Variants in RSPH9 observed in about 807,000 individuals in gnomAD.
RSPH9 encodes radial spoke head protein 9 homolog.
In RSPH9, 27 loss-of-function variants were observed where a neutral mutation model predicts 27.0. The ratio of observed to expected loss-of-function variants is 1.00; its 90% CI spans 0.74 to 1.38. The LOEUF is 1.38. Among genes scored for constraint, RSPH9 ranks in the 40% most tolerant of loss-of-function variants. The pLI is 0.00. For missense variants in RSPH9, 347 were observed against 357.4 expected, an observed-to-expected ratio of 0.97 and a Z score of 0.24; for synonymous variants, 145 against 147.7, an observed-to-expected ratio of 0.98 and a Z score of 0.13.
At position 43,671,125 on chromosome 6, in the gene RSPH9, TG is replaced by T; in HGVS notation, c.*178del. On this transcript the variant is annotated 3_prime_UTR_variant, in exon 5 of 5. Transcript: ENST00000372163. Reference sequence around the variant, plus strand: ...TTTCTAAACCAAGTGGCAGAGGGGTTGGAATGTGCTAATGAAAGAGATTCTA... The same window carrying T: ...TTTCTAAACCAAGTGGCAGAGGGGTTGAATGTGCTAATGAAAGAGATTCTA... 2.8e-6 allele frequency: 2 copies of T among 719,150 alleles called. No individual in the cohort carries two copies. The highest frequency in any genetic ancestry group is 4.7e-6 in the Non-Finnish European group (2 of 427,340). 44.5% of individuals were successfully genotyped at this position (719,150 alleles called of 1,614,324 possible).
Position 43,666,905 on chromosome 6 carries a change from G to A in RSPH9, c.671-3884G>A, listed in dbSNP as rs375784179. 5.9e-5 allele frequency among the ~76,000 whole-genome samples: 9 copies of A among 152,250 alleles called. No homozygotes were observed. In the East Asian group the frequency reaches 9.7e-4, roughly 16 times the overall value. ...TGGGATTACAGGCGCATGTCACCAC[G>A]CCTAATTTTTGTATTTTTAGCAGAG... is the stretch of plus-strand genomic sequence containing the variant. On this transcript the variant is annotated intron_variant, in intron 4 of 4. Transcript: ENST00000372163.
intron 1 of RSPH9, among the ~76,000 whole-genome samples, chr6:43,649,540 G>T (rs1771230797): frequency 6.6e-6 from 1 of 152,070 alleles, no homozygotes; most frequent in South Asian, 2.1e-4. Flanking sequence ...GATAAGCAGA[G>T]ACCAGGCTGG....
intron 4 of RSPH9, among the ~76,000 whole-genome samples, chr6:43,660,705 T>C (rs1363886954): frequency 7.9e-5 from 12 of 152,208 alleles, no homozygotes; most frequent in Admixed American, 7.9e-4. Context: ...CCTAGTGATC[T>C]GCCAGTCTCG....
chr6:43,671,238 G>C lies in RSPH9; in HGVS notation c.*289G>C. On this transcript the variant is annotated 3_prime_UTR_variant, in exon 5 of 5. Coordinates refer to ENST00000372163, the MANE Select transcript of RSPH9 (RefSeq NM_152732.5). ...CAGTTTCTTGGATTCACACGAGAGC[G>C]GCAAGTGTGTCAGGCAGCCCACCTT... The C allele has an allele frequency of 1.9e-6, 1 of 540,106 alleles. No individual in the cohort carries two copies. Among genetic ancestry groups the C allele is most frequent in the Middle Eastern group, 5.0e-4 (1 of 2,010 alleles). 33.5% of individuals were successfully genotyped at this position (540,106 alleles called of 1,614,324 possible).
At position 43,672,257 on chromosome 6, in the gene RSPH9, C is replaced by T. The variant is rs1369848641; in HGVS notation, c.*1308C>T. The stretch of plus-strand genomic sequence containing the variant: ...TTCCTCTCTGGCCTCAGCCATGGGG[C>T]GAGAAGAGCTGATGTAAGGCTCTGG... On this transcript the variant is annotated 3_prime_UTR_variant, in exon 5 of 5. Transcript: ENST00000372163. 2.1e-5 allele frequency: 9 copies of T among 433,248 alleles called. No individual in the cohort carries two copies. Among genetic ancestry groups the T allele is most frequent in the Middle Eastern group, 6.9e-4 (2 of 2,878 alleles). 26.8% of individuals were successfully genotyped at this position (433,248 alleles called of 1,614,324 possible).
Position 43,671,921 on chromosome 6 carries a change from C to A in RSPH9, c.*972C>A. 2 of 1,583,694 alleles carry A rather than the reference C, an allele frequency of 1.3e-6. No individual in the cohort carries two copies. Among genetic ancestry groups the A allele is most frequent in the Non-Finnish European group, 8.6e-7 (1 of 1,163,874 alleles). ...GCGTCAGGTACCTGTGGAGGGAGAA[C>A]AAAGAGGTGCCTGTGAGGGCTGGGG... On this transcript the variant is annotated 3_prime_UTR_variant, in exon 5 of 5. Coordinates refer to ENST00000372163, the MANE Select transcript of RSPH9 (RefSeq NM_152732.5).
At chr6:43,654,156 C>T (rs531401239) in intron 2 of RSPH9, among the ~76,000 whole-genome samples, 1 of 152,228 alleles carries the variant, frequency 6.6e-6, no homozygotes, top group South Asian at 2.1e-4. Flanking sequence ...GGTAGGCTGC[C>T]CATGGCAAAT....
intron 1 of RSPH9, among the ~76,000 whole-genome samples, chr6:43,648,871 C>T (rs1771151110): frequency 6.6e-6 from 1 of 152,114 alleles, no homozygotes. Flanking sequence ...CCTGGAAATA[C>T]TTAAGGCCCT....
intron 4 of RSPH9, 64 bp downstream of exon 4, chr6:43,656,787 C>A (rs1033895234): frequency 6.4e-7 from 1 of 1,553,980 alleles, no homozygotes; most frequent in Non-Finnish European, 8.9e-7. Flanking sequence ...GGCCATGCCA[C>A]CTGCCATTTT....
At chr6:43,646,425 A>ATTAT (rs945493597) in intron 1 of RSPH9, among the ~76,000 whole-genome samples, 8 of 151,080 alleles carry the variant, frequency 5.3e-5, no homozygotes, top group African/African-American at 1.5e-4. Flanking sequence ...GCGCTTGGCA[A>ATTAT]TTATTTATTT....
At chr6:43,654,150 G>A (rs1342029722) in intron 2 of RSPH9, among the ~76,000 whole-genome samples, 5 of 152,182 alleles carry the variant, frequency 3.3e-5, no homozygotes, top group African/African-American at 1.2e-4. Context: ...CATTCAGGTA[G>A]GCTGCCCATG....
intron 4 of RSPH9, among the ~76,000 whole-genome samples, chr6:43,662,963 C>G (rs569826338): frequency 1.2e-3 from 169 of 136,124 alleles, no homozygotes; most frequent in Non-Finnish European, 2.1e-3. Context: ...TGCACCATAC[C>G]TGGCATTTTT....
At position 43,671,528 on chromosome 6, in the gene RSPH9, C is replaced by T. The variant is rs1449587560; in HGVS notation, c.*579C>T. The T allele has an allele frequency of 5.2e-6, 3 of 578,726 alleles. No homozygotes were observed. The allele number at this position is 578,726 out of a possible 1,614,324, so 35.8% of individuals were successfully genotyped here. A position where few individuals can be genotyped will look rare whatever the true frequency, so the allele number is the denominator to read the frequency against. ...CCCAGCACTGAGCATGGCCTAAGCC[C>T]CATAGCAGCTGGCAAGGGACCCAAC... is the stretch of plus-strand genomic sequence containing the variant. On this transcript the variant is annotated 3_prime_UTR_variant, in exon 5 of 5. Transcript: ENST00000372163.
chr6:43,645,881 G>A (rs1222011816), intron 1 of RSPH9, among the ~76,000 whole-genome samples: 1 of 152,160 alleles, frequency 6.6e-6, no homozygotes, highest in Non-Finnish European at 1.5e-5. Context: ...TGGAAATAGA[G>A]AACGAATGCG....
At chr6:43,661,962 A>C (rs114526181) in intron 4 of RSPH9, among the ~76,000 whole-genome samples, 1 of 152,236 alleles carries the variant, frequency 6.6e-6, no homozygotes, top group African/African-American at 2.4e-5. Flanking sequence ...ATCATGCTTC[A>C]CTGTAGCCTC....
intron 4 of RSPH9, among the ~76,000 whole-genome samples, chr6:43,668,548 C>T (rs929271978): frequency 9.2e-5 from 14 of 152,256 alleles, no homozygotes; most frequent in African/African-American, 3.4e-4. Flanking sequence ...TAGGCCACTT[C>T]GTCCAAGAAC....
chr6:43,654,404 A>G (rs1771798719), intron 2 of RSPH9, among the ~76,000 whole-genome samples: 2 of 152,212 alleles, frequency 1.3e-5, no homozygotes, highest in African/African-American at 4.8e-5. Context: ...ATATATGCAT[A>G]GAGGGCTGGG....
rs570174587 is a variant in RSPH9, at chr6:43,660,167, C to T, written c.670+3444C>T. Among the ~76,000 whole-genome samples, 4 of 151,688 alleles carry T rather than the reference C, an allele frequency of 2.6e-5. No homozygotes were observed. The South Asian group carries it at 8.3e-4, about 32-fold the overall frequency. ...CAAGTGATTTTCCTGCCTCAGCCTC[C>T]TAAGTAGCTGGATTACAGGCATGCG... On this transcript the variant is annotated intron_variant, in intron 4 of 4. Transcript: ENST00000372163.
chr6:43,656,639 C>T lies in RSPH9; in HGVS notation c.586C>T (p.Leu196=). The T allele has an allele frequency of 6.2e-7, 1 of 1,614,162 alleles. No individual in the cohort carries two copies. Among genetic ancestry groups the T allele is most frequent in the Non-Finnish European group, 8.5e-7 (1 of 1,179,990 alleles). The change falls in exon 4 of 5, where the codon CTA becomes TTA. Residue 196 remains leucine (L), a synonymous_variant. Coordinates refer to ENST00000372163, the MANE Select transcript of RSPH9 (RefSeq NM_152732.5). ...SYFHFREPVE[L]KNKTLLEKAD... ...CTTCCATTTCAGGGAGCCTGTTGAG[C>T]TAAAGAATAAGACCTTGCTTGAGAA...
Sources: allele counts gnomAD v4.1 joint callset (sites outside exome capture counted in the v4.1 genomes callset), GRCh38; gene constraint gnomAD v4.1.1; transcripts MANE v1.5; gene names NCBI Gene and HGNC (gene_info 2026-07-23, HGNC 2026-07-21).